The following SLC39A11 variants were observed in gnomAD, a reference collection of about 807,000 sequenced individuals.
The protein encoded by SLC39A11 is zinc transporter ZIP11.
SLC39A11 carries 33 observed loss-of-function variants against 36.1 expected under a neutral mutation model. That is an observed-to-expected ratio of 0.91 (90% confidence interval 0.69 to 1.22). The LOEUF is 1.22. SLC39A11 is among the 50% of genes most tolerant of loss of function. The pLI is 0.00. For missense variants in SLC39A11, 432 were observed against 430.3 expected (o/e 1.00, Z -0.03); for synonymous variants, 166 against 170.3 (o/e 0.97, Z 0.20).
At chr17:72,830,265 G>T (rs12943829) in intron 6 of SLC39A11, among the ~76,000 whole-genome samples, 11 of 151,924 alleles carry the variant, frequency 7.2e-5, no homozygotes, top group Non-Finnish European at 1.5e-4. Flanking sequence ...CCACTGATAC[G>T]CTAGCATAGA....
At chr17:73,055,851 C>T (rs1472174381) in intron 3 of SLC39A11, among the ~76,000 whole-genome samples, 3 of 152,198 alleles carry the variant, frequency 2.0e-5, no homozygotes, top group Non-Finnish European at 4.4e-5. Context: ...ACCAATTAGG[C>T]TATCTCTGTG....
chr17:72,897,068 A>AAAC (rs2082070813), intron 5 of SLC39A11, among the ~76,000 whole-genome samples: 1 of 150,198 alleles, frequency 6.7e-6, no homozygotes, highest in African/African-American at 2.4e-5. Flanking sequence ...AAAAAAAAAA[A>AAAC]AAACAAACAG....
chr17:72,695,293 T>G (rs905311410), intron 7 of SLC39A11, among the ~76,000 whole-genome samples: 4 of 152,168 alleles, frequency 2.6e-5, no homozygotes, highest in African/African-American at 9.7e-5. Flanking sequence ...GAGTTTTTCT[T>G]CCCGGCACGT....
intron 6 of SLC39A11, among the ~76,000 whole-genome samples, chr17:72,795,210 G>A (rs1044399684): frequency 5.3e-5 from 8 of 152,052 alleles, no homozygotes; most frequent in African/African-American, 1.5e-4. Flanking sequence ...TAGCTGGATG[G>A]CCCTGGCTCG....
At chr17:72,669,931 T>C (rs1567926888) in intron 7 of SLC39A11, among the ~76,000 whole-genome samples, 1 of 149,782 alleles carries the variant, frequency 6.7e-6, no homozygotes, top group Non-Finnish European at 1.5e-5. Context: ...TATACACATA[T>C]ATACGTATAG....
chr17:72,711,785 T>C (rs1326503268), intron 7 of SLC39A11, among the ~76,000 whole-genome samples: 1 of 152,126 alleles, frequency 6.6e-6, no homozygotes, highest in East Asian at 1.9e-4. Context: ...TTGATGGTCA[T>C]AGCTCTGGGG....
chr17:72,712,382 C>A (rs1487550905), intron 7 of SLC39A11, among the ~76,000 whole-genome samples: 1 of 152,242 alleles, frequency 6.6e-6, no homozygotes, highest in Non-Finnish European at 1.5e-5. Context: ...AGTTCTCACT[C>A]CATCTTGAAA....
chr17:72,983,298 C>T (rs1386231980), intron 4 of SLC39A11, among the ~76,000 whole-genome samples: 2 of 152,008 alleles, frequency 1.3e-5, no homozygotes, highest in East Asian at 3.9e-4. Context: ...TACAGGCAAG[C>T]GCCACCACAA....
chr17:72,710,818 G>A (rs957850924), intron 7 of SLC39A11, among the ~76,000 whole-genome samples: 2 of 152,034 alleles, frequency 1.3e-5, no homozygotes, highest in Non-Finnish European at 2.9e-5. Context: ...TTAAAATTAG[G>A]GGAAATTCTG....
In SLC39A11 at chr17:72,824,259, T is replaced by C. The variant is rs936580037; in HGVS notation, c.601+25375A>G. 4.0e-5 allele frequency among the ~76,000 whole-genome samples: 6 copies of C among 150,880 alleles called. 1 individual carries two copies. Among genetic ancestry groups the C allele is most frequent in the Admixed American group, 4.0e-4 (6 of 15,158 alleles). ...AAGTGTGTAGCACCTTCCCCTTCAC[T>C]CTCTCTCTCTCCTGCTCCACCATGT... On this transcript the variant is annotated intron_variant, in intron 6 of 9. Transcript: ENST00000255559.
chr17:72,769,568 T>A (rs1282145500), intron 6 of SLC39A11, among the ~76,000 whole-genome samples: 1 of 151,824 alleles, frequency 6.6e-6, no homozygotes, highest in Non-Finnish European at 1.5e-5. Flanking sequence ...TTTTTTGAGA[T>A]GGAGTTTCGC....
intron 5 of SLC39A11, among the ~76,000 whole-genome samples, chr17:72,860,913 G>A (rs989338292): frequency 2.0e-5 from 3 of 152,100 alleles, no homozygotes; most frequent in South Asian, 2.1e-4. Context: ...CTTGCCAAAC[G>A]AGGGTAATAG....
chr17:72,987,085 G>C (rs1042402320), intron 4 of SLC39A11, among the ~76,000 whole-genome samples: 1 of 152,156 alleles, frequency 6.6e-6, no homozygotes, highest in African/African-American at 2.4e-5. Context: ...CCACAGTAAT[G>C]TGCGAGTTCT....
chr17:72,787,533 A>G (rs984742209), intron 6 of SLC39A11, among the ~76,000 whole-genome samples: 6 of 152,044 alleles, frequency 3.9e-5, no homozygotes, highest in Non-Finnish European at 8.8e-5. Context: ...CTGGGATTAC[A>G]GGCGTGAGCC....
At chr17:72,739,011 T>C (rs1042886128) in intron 6 of SLC39A11, among the ~76,000 whole-genome samples, 1 of 152,082 alleles carries the variant, frequency 6.6e-6, no homozygotes, top group Non-Finnish European at 1.5e-5. Context: ...AGCCCAAAGA[T>C]CCTGCTAAGG....
intron 5 of SLC39A11, among the ~76,000 whole-genome samples, chr17:72,943,955 T>A (rs2085271436): frequency 6.6e-6 from 1 of 151,320 alleles, no homozygotes. Flanking sequence ...GACAGAGGAG[T>A]GGGACTGAAT....
At chr17:72,916,752 A>G (rs544234995) in intron 5 of SLC39A11, among the ~76,000 whole-genome samples, 3 of 152,028 alleles carry the variant, frequency 2.0e-5, no homozygotes, top group South Asian at 2.1e-4. Flanking sequence ...ATTCCTCTTT[A>G]CCAGGCAAGG....
chr17:72,975,843 A>G (rs1412591994), intron 4 of SLC39A11, among the ~76,000 whole-genome samples: 1 of 152,188 alleles, frequency 6.6e-6, no homozygotes, highest in Non-Finnish European at 1.5e-5. Context: ...AGCAGGTATC[A>G]AGAAGGACTG....
chr17:72,721,735 C>T (rs139717018), intron 7 of SLC39A11, among the ~76,000 whole-genome samples: 13 of 152,106 alleles, frequency 8.5e-5, no homozygotes, highest in Non-Finnish European at 1.9e-4. Context: ...TTTGGGAGGA[C>T]GAGGCAGGCA....
Sources: allele counts gnomAD v4.1 joint callset (sites outside exome capture counted in the v4.1 genomes callset), GRCh38; gene constraint gnomAD v4.1.1; transcripts MANE v1.5; gene names NCBI Gene and HGNC (gene_info 2026-07-23, HGNC 2026-07-21).